The following KCNJ6 variants were observed in gnomAD, a reference collection of about 807,000 sequenced individuals.
The protein encoded by KCNJ6 is potassium inwardly rectifying channel subfamily J member 6.
In KCNJ6, 9 loss-of-function variants were observed where a neutral mutation model predicts 34.2. That is an observed-to-expected ratio of 0.26 (90% CI 0.16 to 0.46). The LOEUF (loss-of-function observed/expected upper bound fraction) is 0.46. KCNJ6 is among the 20% of genes least tolerant of loss of function. The pLI is 1.00. For synonymous variants in KCNJ6, 196 were observed against 207.1 expected (o/e 0.95, Z 0.46); for missense variants, 236 against 531.3 (o/e 0.44, Z 5.46).
rs2054254593 is a variant in KCNJ6 at position 37,614,446 on chromosome 21, A to ATGCATGTGTCTGTGTCTGCGTGTGTG, written c.*10687_*10712dup. The ATGCATGTGTCTGTGTCTGCGTGTGTG allele has an allele frequency of 7.2e-6, 1 of 138,590 alleles. No homozygotes were observed. Among genetic ancestry groups the ATGCATGTGTCTGTGTCTGCGTGTGTG allele is most frequent in the Non-Finnish European group, 1.6e-5 (1 of 63,870 alleles). 8.6% of individuals were successfully genotyped at this position (138,590 alleles called of 1,614,324 possible). A position where few individuals can be genotyped will look rare whatever the true frequency, so the allele number is the denominator to read the frequency against. On this transcript the variant is annotated 3_prime_UTR_variant, in exon 4 of 4. Coordinates refer to ENST00000609713, the MANE Select transcript of KCNJ6 (RefSeq NM_002240.5). ...TGAGTATGCGTGTATCTCTGTGTGT[A>ATGCATGTGTCTGTGTCTGCGTGTGTG]TGCATGTGTCTGTGTCTGCGTGTGT...
rs59026391 is a variant in KCNJ6 at position 37,661,614 on chromosome 21, GTTTTTTTTTT to G, written c.947-36140_947-36131del. ...TCCACCCATTTCCTTAAGAGACATA[GTTTTTTTTTT>G]TTTTTTTTTTTTTTTTGAGACTGGA... On this transcript the variant is annotated intron_variant, in intron 3 of 3. Transcript: ENST00000609713. 6.3e-4 allele frequency among the ~76,000 whole-genome samples: 45 copies of G among 71,172 alleles called. 2 individuals are homozygous for G. Among genetic ancestry groups the G allele is most frequent in the African/African-American group, 2.1e-3 (40 of 18,670 alleles). 46.7% of individuals were successfully genotyped at this position (71,172 alleles called of 152,430 possible).
At chr21:37,897,409 A>G (rs1032677035) in intron 1 of KCNJ6, among the ~76,000 whole-genome samples, 8 of 152,214 alleles carry the variant, frequency 5.3e-5, no homozygotes, top group African/African-American at 1.9e-4. Flanking sequence ...GCCTCAGCCC[A>G]AAGCTTCCCA....
intron 1 of KCNJ6, among the ~76,000 whole-genome samples, chr21:37,860,438 C>T (rs1601505649): frequency 6.6e-6 from 1 of 152,224 alleles, no homozygotes; most frequent in African/African-American, 2.4e-5. Context: ...CCTCTTGGGC[C>T]TCCTGTGGTC....
chr21:37,895,440 C>G (rs1274711672), intron 1 of KCNJ6, among the ~76,000 whole-genome samples: 1 of 152,220 alleles, frequency 6.6e-6, no homozygotes, highest in Non-Finnish European at 1.5e-5. Flanking sequence ...AGCTTTGTTT[C>G]TGGCTGAAGA....
intron 1 of KCNJ6, among the ~76,000 whole-genome samples, chr21:37,885,439 A>G (rs79948623): frequency 0.021 from 3,131 of 152,300 alleles, 90 homozygotes; most frequent in African/African-American, 0.07. Flanking sequence ...GACTTCTGAG[A>G]AGAAGAGATA....
chr21:37,646,473 C>T (rs1039392368), intron 3 of KCNJ6, among the ~76,000 whole-genome samples: 4 of 152,070 alleles, frequency 2.6e-5, no homozygotes, highest in East Asian at 1.9e-4. Flanking sequence ...TAAAGACGAG[C>T]GGGAGCTGAG....
chr21:37,683,801 G>T (rs2054600523), intron 3 of KCNJ6, among the ~76,000 whole-genome samples: 1 of 152,174 alleles, frequency 6.6e-6, no homozygotes, highest in South Asian at 2.1e-4. Flanking sequence ...GTGCGTCCCA[G>T]GGGAAGGAGC....
intron 2 of KCNJ6, among the ~76,000 whole-genome samples, chr21:37,764,012 G>T (rs2055078851): frequency 6.6e-6 from 1 of 151,742 alleles, no homozygotes; most frequent in African/African-American, 2.4e-5. Flanking sequence ...CATACTCAAA[G>T]GCCATGTTTG....
intron 1 of KCNJ6, among the ~76,000 whole-genome samples, chr21:37,857,483 C>T (rs924796156): frequency 3.4e-4 from 51 of 152,198 alleles, no homozygotes; most frequent in African/African-American, 1.1e-3. Context: ...CTCAGATCTG[C>T]CATTTTGCAA....
Position 37,753,979 on chromosome 21 carries a change from G to T in KCNJ6, c.26-38848C>A, listed in dbSNP as rs78638355. Among the ~76,000 whole-genome samples the T allele has an allele frequency of 1.6e-3, 237 of 152,326 alleles. 2 individuals are homozygous for T. The East Asian group carries it at 0.042, about 27-fold the overall frequency. On this transcript the variant is annotated intron_variant, in intron 2 of 3. Coordinates refer to ENST00000609713, the MANE Select transcript of KCNJ6 (RefSeq NM_002240.5). ...GCTGCCTGACTCTTTAGAGCACGGG[G>T]TGCCTTCCTTGTGGGGTCTGAAATC...
At chr21:37,640,007 T>C (rs574287624) in intron 3 of KCNJ6, among the ~76,000 whole-genome samples, 1 of 152,290 alleles carries the variant, frequency 6.6e-6, no homozygotes, top group South Asian at 2.1e-4. Context: ...CCTCTTTTCT[T>C]TATAGATTAC....
intron 2 of KCNJ6, among the ~76,000 whole-genome samples, chr21:37,826,789 G>A (rs188276423): frequency 5.3e-5 from 8 of 152,264 alleles, no homozygotes; most frequent in Admixed American, 5.2e-4. Context: ...GGAGAGATTA[G>A]AGATGGGTCT....
chr21:37,800,958 G>A (rs988607497), intron 2 of KCNJ6, among the ~76,000 whole-genome samples: 4 of 152,182 alleles, frequency 2.6e-5, no homozygotes, highest in East Asian at 1.9e-4. Flanking sequence ...ATGCCTCTGC[G>A]GAGGTTGATG....
At chr21:37,912,946 T>C (rs1016319618) in intron 1 of KCNJ6, among the ~76,000 whole-genome samples, 18 of 152,160 alleles carry the variant, frequency 1.2e-4, no homozygotes, top group African/African-American at 4.3e-4. Context: ...CACAAGTGCA[T>C]CCACAAAACA....
At chr21:37,760,691 T>C (rs529459792) in intron 2 of KCNJ6, among the ~76,000 whole-genome samples, 1 of 152,342 alleles carries the variant, frequency 6.6e-6, no homozygotes, top group African/African-American at 2.4e-5. Context: ...CCTGCCTTTT[T>C]CCTTTTATCC....
In KCNJ6 at chr21:37,718,298, G is replaced by T. The variant is rs114320774; in HGVS notation, c.26-3167C>A. 2.5e-3 allele frequency among the ~76,000 whole-genome samples: 377 copies of T among 152,304 alleles called. 2 individuals carry two copies. The highest frequency in any genetic ancestry group is 0.01 in the Middle Eastern group (3 of 294). On this transcript the variant is annotated intron_variant, in intron 2 of 3. Transcript: ENST00000609713. The stretch of plus-strand genomic sequence containing the variant: ...TCTGTCTAGAAACCAGAAAAGCAAT[G>T]ATTGTGTTTGACCCATTATATATTT...
chr21:37,870,231 C>T (rs894437516), intron 1 of KCNJ6, among the ~76,000 whole-genome samples: 6 of 146,606 alleles, frequency 4.1e-5, no homozygotes, highest in African/African-American at 7.6e-5. Flanking sequence ...CCCCACCCCC[C>T]GGCCCCAGCC....
At chr21:37,794,829 T>C (rs2055233398) in intron 2 of KCNJ6, among the ~76,000 whole-genome samples, 1 of 151,586 alleles carries the variant, frequency 6.6e-6, no homozygotes, top group South Asian at 2.1e-4. Context: ...CCATGACACA[T>C]GTATACCTAT....
At chr21:37,756,889 A>C (rs375043881) in intron 2 of KCNJ6, among the ~76,000 whole-genome samples, 2 of 79,990 alleles carry the variant, frequency 2.5e-5, no homozygotes, top group Admixed American at 1.3e-4. Flanking sequence ...CGGAGTGAGC[A>C]CTCCCTCACA....
Sources: gnomAD v4.1 joint callset for allele counts (sites outside exome capture counted in the v4.1 genomes callset) on GRCh38, gnomAD v4.1.1 for gene constraint, MANE v1.5 for transcripts, NCBI Gene and HGNC (gene_info 2026-07-23, HGNC 2026-07-21) for gene names.